AOPEP: variants seen among roughly 807,000 people sequenced by gnomAD.
AOPEP encodes the protein aminopeptidase O (putative).
A neutral mutation model predicts 98.1 loss-of-function variants in AOPEP; 77 were observed. That is an observed-to-expected ratio of 0.78 (90% confidence interval 0.65 to 0.95). The LOEUF (loss-of-function observed/expected upper bound fraction) is 0.95, where lower values mean the gene tolerates loss of function less well. Among genes scored for constraint, AOPEP ranks in the 40% least tolerant of loss-of-function variants. The pLI, the probability that AOPEP is intolerant of heterozygous loss-of-function variation, is 0.00. For missense variants in AOPEP, 1,024 were observed against 1,024.7 expected (o/e 1.00, Z 0.01); for synonymous variants, 346 against 365.3 (o/e 0.95, Z 0.60).
chr9:95,022,851 G>A (rs375532839), intron 13 of AOPEP, among the ~76,000 whole-genome samples: 1 of 152,152 alleles, frequency 6.6e-6, no homozygotes, highest in African/African-American at 2.4e-5. Flanking sequence ...CAGAACATGT[G>A]TGGTTTCCAT....
chr9:94,929,623 G>A (rs1347730543), intron 7 of AOPEP, among the ~76,000 whole-genome samples: 4 of 152,164 alleles, frequency 2.6e-5, no homozygotes, highest in African/African-American at 4.8e-5. Context: ...CTGTGTTCCC[G>A]CCCCAAAGCC....
chr9:95,005,889 A>G (rs2061975097), intron 13 of AOPEP: 1 of 548,518 alleles, frequency 1.8e-6, no homozygotes, highest in Admixed American at 3.1e-5. Context: ...TTATTATTTT[A>G]GATCAGCAGT....
At chr9:95,050,414 T>C (rs2066241513) in intron 13 of AOPEP, among the ~76,000 whole-genome samples, 2 of 152,212 alleles carry the variant, frequency 1.3e-5, no homozygotes, top group South Asian at 4.1e-4. Flanking sequence ...TCACAGTTAA[T>C]CTAGTGTGTA....
chr9:95,113,246 A>G, the AOPEP span, among the ~76,000 whole-genome samples: 1 of 152,222 alleles, frequency 6.6e-6, no homozygotes, highest in African/African-American at 2.4e-5. Context: ...CCAAGCCATC[A>G]ATCACGGAGC....
At chr9:94,829,857 G>A (rs566008247) in intron 5 of AOPEP, among the ~76,000 whole-genome samples, 2 of 152,236 alleles carry the variant, frequency 1.3e-5, no homozygotes, top group East Asian at 1.9e-4. Context: ...ACCATCTGAC[G>A]TCATGACTAC....
rs1005845721 is a variant in AOPEP, at chr9:94,747,541, A to T, written c.-135-12108A>T. Among the ~76,000 whole-genome samples, 8 of 152,248 alleles carry T rather than the reference A, an allele frequency of 5.3e-5. No homozygotes were observed. The East Asian group carries it at 1.5e-3, about 29-fold the overall frequency. On this transcript the variant is annotated intron_variant, in intron 1 of 16. Transcript: ENST00000375315. ...TCGAGTAAAAGAAAAATAAATAGGC[A>T]TGAACAAAGGGGAAAAGCTTAAGGT...
chr9:94,749,290 C>A (rs1835169832), intron 1 of AOPEP, among the ~76,000 whole-genome samples: 1 of 152,146 alleles, frequency 6.6e-6, no homozygotes, highest in Non-Finnish European at 1.5e-5. Context: ...TGTCCCAATT[C>A]TTCTGTTTGT....
intron 4 of AOPEP, among the ~76,000 whole-genome samples, chr9:94,797,500 A>G (rs938947376): frequency 6.6e-6 from 1 of 152,044 alleles, no homozygotes; most frequent in African/African-American, 2.4e-5. Flanking sequence ...AGAATGGCTT[A>G]TGTGCTGAGT....
At chr9:94,826,018 A>AT (rs1854448523) in intron 5 of AOPEP, among the ~76,000 whole-genome samples, 2 of 151,892 alleles carry the variant, frequency 1.3e-5, no homozygotes, top group African/African-American at 2.4e-5. Flanking sequence ...TGTGACCCAT[A>AT]TTTTTTTAAT....
intron 13 of AOPEP, among the ~76,000 whole-genome samples, chr9:95,023,771 A>T (rs995909850): frequency 9.8e-5 from 15 of 152,304 alleles, no homozygotes; most frequent in Admixed American, 8.5e-4. Context: ...TGGATCGTTA[A>T]TAAGTTTCCC....
intron 9 of AOPEP, among the ~76,000 whole-genome samples, chr9:94,964,709 G>A (rs1382861714): frequency 6.8e-6 from 1 of 146,340 alleles, no homozygotes; most frequent in East Asian, 2.0e-4. Context: ...GCGCGATCTC[G>A]GCTCACTGCA....
chr9:94,861,664 C>A (rs1007545329), intron 5 of AOPEP, among the ~76,000 whole-genome samples: 1 of 152,294 alleles, frequency 6.6e-6, no homozygotes, highest in Admixed American at 6.5e-5. Context: ...CATTTGGTTT[C>A]ATTTGTCTTA....
At chr9:94,958,313 C>A (rs1012078862) in intron 9 of AOPEP, among the ~76,000 whole-genome samples, 2 of 152,044 alleles carry the variant, frequency 1.3e-5, no homozygotes, top group Non-Finnish European at 2.9e-5. Flanking sequence ...GCATTTTTTT[C>A]ATCTTTTGGC....
At chr9:94,964,498 C>T (rs567574116) in intron 9 of AOPEP, among the ~76,000 whole-genome samples, 7 of 152,182 alleles carry the variant, frequency 4.6e-5, no homozygotes, top group East Asian at 1.9e-4. Flanking sequence ...AAATTCCCCC[C>T]GTTGCCATTG....
At chr9:94,990,078 C>G (rs925390291) in intron 11 of AOPEP, among the ~76,000 whole-genome samples, 28 of 152,224 alleles carry the variant, frequency 1.8e-4, no homozygotes, top group African/African-American at 6.3e-4. Context: ...GTCTCCACCC[C>G]AGAGTTTGAG....
chr9:94,814,416 G>A (rs1250349843), intron 5 of AOPEP, among the ~76,000 whole-genome samples: 1 of 152,226 alleles, frequency 6.6e-6, no homozygotes, highest in Non-Finnish European at 1.5e-5. Flanking sequence ...CTTGGATGGA[G>A]AGACCTGATA....
At chr9:94,773,286 T>C in intron 3 of AOPEP, 118 bp downstream of exon 3, 1 of 935,314 alleles carries the variant, frequency 1.1e-6, no homozygotes, top group Non-Finnish European at 1.6e-6. Context: ...TTGGAAATGA[T>C]CATAGTATAA....
At chr9:95,041,905 C>G (rs993647235) in intron 13 of AOPEP, among the ~76,000 whole-genome samples, 2 of 152,150 alleles carry the variant, frequency 1.3e-5, no homozygotes, top group Non-Finnish European at 2.9e-5. Flanking sequence ...ACCTTCAGAA[C>G]TGAGCCTGAA....
rs373874914 is a variant in AOPEP, at chr9:94,834,899, C to T, written c.1364+33897C>T. ...TTTTTTATCTTTTAGAGCTATATAC[C>T]GAAATATTTTTTTGAGGGAGACAAA... On this transcript the variant is annotated intron_variant, in intron 5 of 16. Transcript: ENST00000375315. Among the ~76,000 whole-genome samples the T allele has an allele frequency of 1.4e-4, 21 of 151,974 alleles. 1 individual carries two copies. The highest frequency in any genetic ancestry group is 6.3e-4 in the South Asian group (3 of 4,796).
Sources: gnomAD v4.1 joint callset for allele counts (sites outside exome capture counted in the v4.1 genomes callset) on GRCh38, gnomAD v4.1.1 for gene constraint, MANE v1.5 for transcripts, NCBI Gene and HGNC (gene_info 2026-07-23, HGNC 2026-07-21) for gene names.